FANCA: variants seen among roughly 807,000 people sequenced by gnomAD.
The protein encoded by FANCA is FA complementation group A, also known as Fanconi anemia group A protein.
A neutral mutation model predicts 194.3 loss-of-function variants in FANCA; 236 were observed. The observed-to-expected ratio is 1.21, with a 90% CI of 1.09 to 1.35. The LOEUF (loss-of-function observed/expected upper bound fraction) is 1.35. Ranked by LOEUF, FANCA falls within the 40% of genes most tolerant of loss-of-function variation. FANCA has a pLI of 0.00. For missense variants in FANCA, 2,628 were observed against 1,813.9 expected (o/e 1.45, Z -8.15); for synonymous variants, 1,014 against 715.8 (o/e 1.42, Z -6.65).
intron 8 of FANCA, among the ~76,000 whole-genome samples, chr16:89,800,682 A>T (rs1022424853): frequency 2.0e-5 from 3 of 152,240 alleles, no homozygotes; most frequent in Non-Finnish European, 2.9e-5. Context: ...TACAGAAATG[A>T]AAACAGCATG....
chr16:89,806,347 C>CTTT (rs34862478), intron 6 of FANCA, among the ~76,000 whole-genome samples: 1,380 of 110,402 alleles, frequency 0.012, 38 homozygotes, highest in African/African-American at 0.037. Context: ...CTATATCATT[C>CTTT]TTTTTTTTTT....
At chr16:89,757,400 A>G (rs1032414174) in intron 30 of FANCA, among the ~76,000 whole-genome samples, 1 of 152,198 alleles carries the variant, frequency 6.6e-6, no homozygotes, top group Non-Finnish European at 1.5e-5. Flanking sequence ...TGTGAGCATC[A>G]GTCAGCCATA....
chr16:89,809,853 C>T (rs990398504), intron 5 of FANCA, among the ~76,000 whole-genome samples: 4 of 128,546 alleles, frequency 3.1e-5, no homozygotes, highest in Non-Finnish European at 5.0e-5. Context: ...AACTCCATCT[C>T]AAAAAAAAAA....
chr16:89,738,487 C>T lies in FANCA; in HGVS notation c.*114G>A. 6.6e-7 allele frequency: 1 copy of T among 1,524,638 alleles called. No homozygotes were observed. The highest frequency in any genetic ancestry group is 9.0e-7 in the Non-Finnish European group (1 of 1,110,008). The allele number at this position is 1,524,638 out of a possible 1,614,324, so 94.4% of individuals were successfully genotyped here. ...CATAAATAATTGATTCCTTTCCCCA[C>T]TAAAGCAGTCGAGGAGATTTGTAAT... On this transcript the variant is annotated 3_prime_UTR_variant, in exon 43 of 43. Coordinates refer to ENST00000389301, the MANE Select transcript of FANCA (RefSeq NM_000135.4).
rs371997754 is a variant in FANCA at position 89,771,807 on chromosome 16, C to T, written c.2022G>A (p.Ser674=). The T allele has an allele frequency of 9.3e-6, 15 of 1,613,706 alleles. No individual in the cohort carries two copies. Among genetic ancestry groups the T allele is most frequent in the Middle Eastern group, 1.7e-4 (1 of 5,850 alleles). ...TTTCAGAAATCACTGCCACCTGTGC[C>T]GATATAACTGCGAAGGAAGAAACTA... ...MTDPSQRDVI[S]AQVAVISERL... The change falls in exon 23 of 43, where the codon TCG becomes TCA. Residue 674 remains serine (S), a synonymous_variant. Transcript: ENST00000389301.
At chr16:89,796,088 C>T in intron 10 of FANCA, 70 bp from the exon 11 acceptor site, 2 of 1,186,372 alleles carry the variant, frequency 1.7e-6, no homozygotes, top group Non-Finnish European at 2.5e-6. Flanking sequence ...AATCCCAGCA[C>T]AAACTGTGGC....
chr16:89,770,308 C>T (rs757850588), intron 24 of FANCA, 49 bp from the exon 25 acceptor site: 3 of 1,455,156 alleles, frequency 2.1e-6, no homozygotes, highest in Non-Finnish European at 2.8e-6. Flanking sequence ...CAGTCCTGCA[C>T]ATCCCTCCAA....
Position 89,783,115 on chromosome 16 carries a change from A to T in FANCA, c.1471-13T>A. 1 of 1,590,932 alleles carries T rather than the reference A, an allele frequency of 6.3e-7. No homozygotes were observed. Among genetic ancestry groups the T allele is most frequent in the Non-Finnish European group, 8.6e-7 (1 of 1,159,706 alleles). On this transcript the variant is annotated splice_polypyrimidine_tract_variant and intron_variant, in intron 15 of 42. Coordinates refer to ENST00000389301, the MANE Select transcript of FANCA (RefSeq NM_000135.4). ...GGAGAATGTGCACCTGAGGATAGAT[A>T]GCAGAGCGCAGCACCGTTAGTCTGG...
intron 30 of FANCA, among the ~76,000 whole-genome samples, chr16:89,754,285 G>A (rs73264452): frequency 0.024 from 3,559 of 151,084 alleles, 147 homozygotes; most frequent in African/African-American, 0.083. Context: ...AGTTCAAGCC[G>A]GGGCAATTCA....
At chr16:89,799,314 C>A in intron 9 of FANCA, 82 bp from the exon 10 acceptor site, 1 of 1,527,028 alleles carries the variant, frequency 6.5e-7, no homozygotes, top group Non-Finnish European at 9.0e-7. Flanking sequence ...CGCTTTCAGA[C>A]AACAGATCCA....
intron 21 of FANCA, among the ~76,000 whole-genome samples, chr16:89,775,329 C>G (rs1390106334): frequency 6.6e-6 from 1 of 152,214 alleles, no homozygotes; most frequent in Non-Finnish European, 1.5e-5. Context: ...AGCCTGACTT[C>G]TACTCCTACC....
chr16:89,769,550 C>G (rs1353800624), intron 26 of FANCA, among the ~76,000 whole-genome samples: 1 of 152,196 alleles, frequency 6.6e-6, no homozygotes, highest in Non-Finnish European at 1.5e-5. Flanking sequence ...CAAAGCAGCT[C>G]TCACCAGGAC....
At chr16:89,747,935 A>G (rs985407655) in intron 33 of FANCA, among the ~76,000 whole-genome samples, 1 of 151,756 alleles carries the variant, frequency 6.6e-6, no homozygotes, top group Non-Finnish European at 1.5e-5. Flanking sequence ...TATTTGAGAC[A>G]AGAGTTTCGC....
At chr16:89,766,343 G>A (rs17233176) in intron 27 of FANCA, among the ~76,000 whole-genome samples, 1 of 151,956 alleles carries the variant, frequency 6.6e-6, no homozygotes, top group East Asian at 1.9e-4. Context: ...TCCTATAAAA[G>A]GACAACACTG....
rs771698195 is a variant in FANCA at position 89,769,976 on chromosome 16, C to T, written c.2365G>A (p.Val789Met). ...GCAGACCTGGACTCACCCAGGTGCA[C>T]GGCCAGGGCAGCCAACCCCAGCACA... ...PHVLGLAALA[V>M]HLGESRSALP... Residue 789 changes from valine to methionine, a missense_variant, in exon 26 of 43, where the codon GTG becomes ATG. Transcript: ENST00000389301. 24 of 1,613,962 alleles carry T rather than the reference C, an allele frequency of 1.5e-5. No individual in the cohort carries two copies. Among genetic ancestry groups the T allele is most frequent in the Middle Eastern group, 1.6e-4 (1 of 6,062 alleles).
rs779706968 is a variant in FANCA, at chr16:89,779,972, G to A, written c.1627-15C>T. 3.1e-6 allele frequency: 5 copies of A among 1,611,210 alleles called. No homozygotes were observed. The highest frequency in any genetic ancestry group is 2.2e-5 in the South Asian group (2 of 91,012). ...TGGCTGTGGGGCTGGTTCCCATACA[G>A]GGAGGAAAGGAAAAAGAACAGAGGA... On this transcript the variant is annotated splice_polypyrimidine_tract_variant and intron_variant, in intron 17 of 42. Coordinates refer to ENST00000389301, the MANE Select transcript of FANCA (RefSeq NM_000135.4).
intron 31 of FANCA, among the ~76,000 whole-genome samples, 167 bp from the exon 32 acceptor site, chr16:89,750,069 T>C (rs572368962): frequency 5.9e-5 from 9 of 152,294 alleles, no homozygotes; most frequent in South Asian, 4.1e-4. Context: ...ATTGCAAATA[T>C]AGAACAGTGC....
At chr16:89,773,525 T>C in intron 21 of FANCA, 141 bp from the exon 22 acceptor site, 1 of 683,342 alleles carries the variant, frequency 1.5e-6, no homozygotes, top group Non-Finnish European at 2.6e-6. Flanking sequence ...TGGGAGTCTC[T>C]GAGGAGGTAA....
intron 10 of FANCA, chr16:89,798,578 G>A (rs1003155192): frequency 2.1e-5 from 24 of 1,144,674 alleles, no homozygotes; most frequent in Middle Eastern, 3.7e-4. Flanking sequence ...AAACCCCAGA[G>A]CCCCATTTCC....
Sources: allele counts gnomAD v4.1 joint callset (sites outside exome capture counted in the v4.1 genomes callset), GRCh38; gene constraint gnomAD v4.1.1; transcripts MANE v1.5; gene names NCBI Gene and HGNC (gene_info 2026-07-23, HGNC 2026-07-21).